Variants in PRKN observed in about 807,000 individuals in gnomAD.
PRKN encodes E3 ubiquitin-protein ligase parkin.
PRKN carries 56 observed loss-of-function variants against 59.5 expected under a neutral mutation model. The observed-to-expected ratio is 0.94, with a 90% confidence interval of 0.76 to 1.18. PRKN has a LOEUF of 1.18. PRKN is among the 50% of genes most tolerant of loss of function. The pLI is 0.00. For synonymous variants in PRKN, 250 were observed against 222.1 expected, an observed-to-expected ratio of 1.13 and a Z score of -1.12; for missense variants, 657 against 596.4, an observed-to-expected ratio of 1.10 and a Z score of -1.06.
intron 1 of PRKN, among the ~76,000 whole-genome samples, chr6:162,659,556 T>G (rs1259660771): frequency 1.3e-5 from 2 of 152,104 alleles, no homozygotes; most frequent in East Asian, 3.9e-4. Context: ...ATAACATAAT[T>G]TTACCCTTAA....
intron 3 of PRKN, among the ~76,000 whole-genome samples, chr6:162,205,693 A>G (rs1476429473): frequency 6.6e-6 from 1 of 152,198 alleles, no homozygotes; most frequent in Non-Finnish European, 1.5e-5. Flanking sequence ...AACTCTCTGC[A>G]ATGATGAAAA....
chr6:161,671,881 C>T (rs1276809401), intron 7 of PRKN, among the ~76,000 whole-genome samples: 4 of 152,144 alleles, frequency 2.6e-5, no homozygotes, highest in Non-Finnish European at 5.9e-5. Context: ...TTATTCTAGA[C>T]ACATTTTTTG....
chr6:161,575,708 G>A lies in PRKN; in HGVS notation c.872-6292C>T, dbSNP rs1236375077. Among the ~76,000 whole-genome samples the A allele has an allele frequency of 1.3e-5, 2 of 152,150 alleles. No homozygotes were observed. The highest frequency in any genetic ancestry group is 2.4e-5 in the African/African-American group (1 of 41,422). On this transcript the variant is annotated intron_variant, in intron 7 of 11. Coordinates refer to ENST00000366898, the MANE Select transcript of PRKN (RefSeq NM_004562.3). The surrounding 1 kb of genome is among the most constrained non-coding windows in gnomAD (Gnocchi z 4.6). ...GCTCTCTGATGTGCTCCTGGCACTG[G>A]TCACATGACACAAATAATCTGCAAT...
chr6:161,471,358 T>G lies in PRKN; in HGVS notation c.1083+77496A>C, dbSNP rs2115193475. Among the ~76,000 whole-genome samples, 1 of 152,296 alleles carries G rather than the reference T, an allele frequency of 6.6e-6. No individual in the cohort carries two copies. Among genetic ancestry groups the G allele is most frequent in the South Asian group, 2.1e-4 (1 of 4,826 alleles). Reference sequence around the variant, plus strand: ...TACACCTACGTAAGCAGCTTTATAATAAGAAAATATTTGTTTATGAATTCA... The same window carrying G: ...TACACCTACGTAAGCAGCTTTATAAGAAGAAAATATTTGTTTATGAATTCA... On this transcript the variant is annotated intron_variant, in intron 9 of 11. Transcript: ENST00000366898. This position sits in a 1 kb window ranked among gnomAD's most constrained non-coding sequence, Gnocchi z 4.5.
At chr6:162,221,819 CTT>C (rs2128081069) in intron 3 of PRKN, among the ~76,000 whole-genome samples, 1 of 152,240 alleles carries the variant, frequency 6.6e-6, no homozygotes, top group East Asian at 1.9e-4. Flanking sequence ...GATGATAAAT[CTT>C]TGCTTTACCA....
At chr6:161,908,211 T>G (rs1382423641) in intron 6 of PRKN, among the ~76,000 whole-genome samples, 1 of 152,196 alleles carries the variant, frequency 6.6e-6, no homozygotes, top group Non-Finnish European at 1.5e-5. Flanking sequence ...CTCGGAACCG[T>G]CAATGACCTG....
rs1186822052 is a variant in PRKN at position 161,499,131 on chromosome 6, C to CAA, written c.1083+49722_1083+49723insTT. Among the ~76,000 whole-genome samples, 2 of 104,146 alleles carry CAA rather than the reference C, an allele frequency of 1.9e-5. No individual in the cohort carries two copies. Among genetic ancestry groups the CAA allele is most frequent in the Non-Finnish European group, 3.9e-5 (2 of 50,770 alleles). 68.3% of individuals were successfully genotyped at this position (104,146 alleles called of 152,430 possible). ...CAGGGTCTGGACACACACACACACACATTTTTTTTTTTTTTTTGGCTCACA... is the reference window on the plus strand; with the variant it reads ...CAGGGTCTGGACACACACACACACACAAATTTTTTTTTTTTTTTTGGCTCACA... On this transcript the variant is annotated intron_variant, in intron 9 of 11. Transcript: ENST00000366898. The surrounding 1 kb of genome is among the most constrained non-coding windows in gnomAD (Gnocchi z 4.2).
intron 4 of PRKN, among the ~76,000 whole-genome samples, chr6:162,094,026 C>T (rs1283569162): frequency 2.6e-5 from 4 of 152,134 alleles, no homozygotes; most frequent in Non-Finnish European, 4.4e-5. Context: ...AAAGAAAACC[C>T]AGCTCAAGCA....
intron 7 of PRKN, among the ~76,000 whole-genome samples, chr6:161,748,988 G>T (rs888289739): frequency 6.6e-6 from 1 of 152,138 alleles, no homozygotes; most frequent in East Asian, 1.9e-4. Context: ...CGCCGCCAGG[G>T]GGCAGCTGGG....
At chr6:162,101,599 G>C (rs372586498) in intron 4 of PRKN, among the ~76,000 whole-genome samples, 1 of 151,936 alleles carries the variant, frequency 6.6e-6, no homozygotes, top group African/African-American at 2.4e-5. Context: ...GTAAACCCGG[G>C]AGGTGGAGCT....
At position 161,350,003 on chromosome 6, in the gene PRKN, C is replaced by CGT. The variant is rs949516613; in HGVS notation, c.*94_*95dup. The CGT allele has an allele frequency of 8.9e-4, 702 of 788,438 alleles. 3 individuals carry two copies. The East Asian group carries it at 0.011, about 12-fold the overall frequency. 48.8% of individuals were successfully genotyped at this position (788,438 alleles called of 1,614,324 possible). On this transcript the variant is annotated 3_prime_UTR_variant, in exon 12 of 12. Transcript: ENST00000366898. ...TGAAGAGTGTGTGTGCGCGCGCGCG[C>CGT]GTGTGTGTGTGTGTTTGAAAAGAGA...
intron 2 of PRKN, among the ~76,000 whole-genome samples, chr6:162,429,306 C>T (rs1027792998): frequency 6.6e-6 from 1 of 152,124 alleles, no homozygotes; most frequent in South Asian, 2.1e-4. Flanking sequence ...GCATTAATAA[C>T]CTTCTTGCAC....
intron 6 of PRKN, among the ~76,000 whole-genome samples, chr6:161,960,914 A>G (rs1170470266): frequency 6.6e-6 from 1 of 152,194 alleles, no homozygotes; most frequent in Non-Finnish European, 1.5e-5. Context: ...ATGCAGGAAT[A>G]TGTGTTATAT....
At chr6:161,937,241 A>G (rs1779392237) in intron 6 of PRKN, among the ~76,000 whole-genome samples, 1 of 152,238 alleles carries the variant, frequency 6.6e-6, no homozygotes, top group African/African-American at 2.4e-5. Flanking sequence ...CTGGATCTTG[A>G]CAGAGATTAT....
chr6:162,397,281 G>A (rs147877223), intron 2 of PRKN, among the ~76,000 whole-genome samples: 28 of 152,188 alleles, frequency 1.8e-4, no homozygotes, highest in African/African-American at 6.0e-4. Flanking sequence ...AAGCAAACTC[G>A]GGAATATCAA....
intron 4 of PRKN, among the ~76,000 whole-genome samples, chr6:162,185,072 T>G (rs1783968343): frequency 6.6e-6 from 1 of 152,176 alleles, no homozygotes; most frequent in African/African-American, 2.4e-5. Context: ...AAACTTGTAT[T>G]GGGCTCTGCT....
chr6:162,443,622 G>T, intron 1 of PRKN, 149 bp from the exon 2 acceptor site: 1 of 753,112 alleles, frequency 1.3e-6, no homozygotes, highest in Non-Finnish European at 2.3e-6. Flanking sequence ...AAAACTTAAT[G>T]CTATAGAGCA....
chr6:161,733,797 TG>T (rs1787839246), intron 7 of PRKN, among the ~76,000 whole-genome samples: 1 of 82,002 alleles, frequency 1.2e-5, no homozygotes, highest in African/African-American at 4.1e-5. Context: ...TATATATATA[TG>T]TATATATATA....
At chr6:162,449,077 G>A (rs1477444667) in intron 1 of PRKN, among the ~76,000 whole-genome samples, 1 of 151,852 alleles carries the variant, frequency 6.6e-6, no homozygotes, top group Non-Finnish European at 1.5e-5. Flanking sequence ...AGTAGAGAAG[G>A]GGTTTCCTCA....
Sources: gnomAD v4.1 joint callset for allele counts (sites outside exome capture counted in the v4.1 genomes callset) on GRCh38, gnomAD v4.1.1 for gene constraint, Gnocchi (gnomAD v3.1) non-coding constraint, MANE v1.5 for transcripts, NCBI Gene and HGNC (gene_info 2026-07-23, HGNC 2026-07-21) for gene names.